The following TMEM109 variants were observed in gnomAD, a reference collection of about 807,000 sequenced individuals.
The protein encoded by TMEM109 is voltage-gated monoatomic cation channel TMEM109.
In TMEM109, 19 loss-of-function variants were observed where a neutral mutation model predicts 26.4. That is an observed-to-expected ratio of 0.72 (90% CI 0.50 to 1.06). The LOEUF (loss-of-function observed/expected upper bound fraction) is 1.06. Ranked by LOEUF, TMEM109 falls within the 50% of genes least tolerant of loss-of-function variation. The pLI is 0.00. For synonymous variants in TMEM109, 129 were observed against 142.0 expected, an observed-to-expected ratio of 0.91 and a Z score of 0.65; for missense variants, 262 against 303.4, an observed-to-expected ratio of 0.86 and a Z score of 1.01.
chr11:60,915,171 G>T (rs1856159742), intron 1 of TMEM109, among the ~76,000 whole-genome samples: 1 of 152,210 alleles, frequency 6.6e-6, no homozygotes, highest in Admixed American at 6.5e-5. Context: ...ATTATGCTAC[G>T]ATATATAGTC....
At chr11:60,919,564 T>C (rs1222965253) in intron 1 of TMEM109, 122 bp from the exon 2 acceptor site, 3 of 792,978 alleles carry the variant, frequency 3.8e-6, no homozygotes, top group Non-Finnish European at 6.3e-6. Flanking sequence ...CAGCACTTTC[T>C]TTCCAGGGTT....
chr11:60,922,110 T>C lies in TMEM109; in HGVS notation c.677T>C (p.Leu226Pro). ...GGGCTGGAACGCCAGGTGGAGGAGC[T>C]GCGCTGGCGCCAGAGGCGAGCGGCC... ...VRGLERQVEELRWRQRRAAKG... is the reference protein window; with the variant it reads ...VRGLERQVEEPRWRQRRAAKG... The change falls in exon 4 of 4, where the codon CTG becomes CCG. Residue 226 changes from leucine to proline, a missense_variant. Transcript: ENST00000227525. 2 of 1,612,414 alleles carry C rather than the reference T, an allele frequency of 1.2e-6. No homozygotes were observed. The highest frequency in any genetic ancestry group is 2.2e-5 in the South Asian group (2 of 90,956).
chr11:60,920,755 G>A lies in TMEM109; in HGVS notation c.238-131G>A. 3.6e-6 allele frequency: 3 copies of A among 828,984 alleles called. No homozygotes were observed. The South Asian group carries it at 4.5e-5, about 13-fold the overall frequency. 51.4% of individuals were successfully genotyped at this position (828,984 alleles called of 1,614,324 possible). ...CCCAAGGCCCCTACCCTCTGACCCA[G>A]GCCTGTCACCACTGGGTGAGAAACA... On this transcript the variant is annotated intron_variant, in intron 2 of 3. Transcript: ENST00000227525.
rs758105259 is a variant in TMEM109, at chr11:60,921,905, C to T, written c.472C>T (p.Arg158Trp). 1.9e-6 allele frequency: 3 copies of T among 1,614,048 alleles called. No homozygotes were observed. The highest frequency in any genetic ancestry group is 1.7e-5 in the Admixed American group (1 of 60,008). ...CGGCTTGGTCTTGGCCTTGCTGGGG[C>T]GGATCCTGTGGGGCCTGAAGCTTGT... ...LLGLVLALLG[R>W]ILWGLKLVIF... Residue 158 changes from arginine to tryptophan, a missense_variant, in exon 4 of 4, where the codon CGG (arginine) becomes TGG (tryptophan). Physicochemically the swap from Arg to Trp is moderately radical, Grantham distance 101. Transcript: ENST00000227525.
intron 1 of TMEM109, among the ~76,000 whole-genome samples, chr11:60,914,768 G>A (rs1856154815): frequency 6.6e-6 from 1 of 152,274 alleles, no homozygotes; most frequent in Non-Finnish European, 1.5e-5. Flanking sequence ...AGGGCGCGGA[G>A]CGGCAGGGAA....
intron 1 of TMEM109, among the ~76,000 whole-genome samples, chr11:60,916,689 C>T (rs1378423353): frequency 1.3e-5 from 2 of 152,212 alleles, no homozygotes; most frequent in Non-Finnish European, 2.9e-5. Context: ...CACTTCAGAA[C>T]ATCAGTCTGC....
chr11:60,914,586 C>CCA lies in TMEM109; in HGVS notation c.-9+320_-9+321dup, dbSNP rs760026988. Among the ~76,000 whole-genome samples the CCA allele has an allele frequency of 1.3e-3, 194 of 152,380 alleles. 2 individuals carry two copies. Among genetic ancestry groups the CCA allele is most frequent in the Non-Finnish European group, 2.2e-3 (152 of 68,040 alleles). On this transcript the variant is annotated intron_variant, in intron 1 of 3. Coordinates refer to ENST00000227525, the MANE Select transcript of TMEM109 (RefSeq NM_024092.3). Reference sequence around the variant, plus strand: ...CAAGCCCGAGCCCCCGAACCCCGACCCACGGCCCAGCCTCCTGCAGCCTCG... The same window carrying CCA: ...CAAGCCCGAGCCCCCGAACCCCGACCCACACGGCCCAGCCTCCTGCAGCCTCG...
In TMEM109 at chr11:60,923,170, A is replaced by G. The variant is rs1203443088; in HGVS notation, c.*1005A>G. The G allele has an allele frequency of 6.6e-6, 1 of 152,498 alleles. No homozygotes were observed. The highest frequency in any genetic ancestry group is 1.5e-5 in the Non-Finnish European group (1 of 68,030). 9.4% of individuals were successfully genotyped at this position (152,498 alleles called of 1,614,324 possible). A position where few individuals can be genotyped will look rare whatever the true frequency, so the allele number is the denominator to read the frequency against. On this transcript the variant is annotated 3_prime_UTR_variant, in exon 4 of 4. Coordinates refer to ENST00000227525, the MANE Select transcript of TMEM109 (RefSeq NM_024092.3). ...TCCTTTCCCTTCACGTGGTCTGCAG[A>G]GAGCAGGGTGAGCTGCCAGCTGCCC...
intron 1 of TMEM109, 127 bp from the exon 2 acceptor site, chr11:60,919,559 C>G: frequency 1.3e-6 from 1 of 765,586 alleles, no homozygotes; most frequent in South Asian, 1.6e-5. Context: ...GCTAACAGCA[C>G]TTTCTTTCCA....
intron 1 of TMEM109, among the ~76,000 whole-genome samples, chr11:60,917,960 G>A (rs1856190368): frequency 6.6e-6 from 1 of 152,186 alleles, no homozygotes; most frequent in Non-Finnish European, 1.5e-5. Flanking sequence ...ACTGTGCCTG[G>A]CCTGTATGAC....
rs750316636 is a variant in TMEM109, at chr11:60,921,474, T to C, written c.341-300T>C. ...CACCACGTGCCAGTTGTTCACTTCC[T>C]ATCAGGCATCGTGCTGAGCTGTAGT... On this transcript the variant is annotated intron_variant, in intron 3 of 3. Transcript: ENST00000227525. 6.0e-4 allele frequency among the ~76,000 whole-genome samples: 92 copies of C among 152,160 alleles called. 1 individual carries two copies. The highest frequency in any genetic ancestry group is 1.1e-3 in the Non-Finnish European group (74 of 68,022).
chr11:60,922,593 C>G lies in TMEM109; in HGVS notation c.*428C>G, dbSNP rs572705101. 3 of 368,488 alleles carry G rather than the reference C, an allele frequency of 8.1e-6. No homozygotes were observed. The highest frequency in any genetic ancestry group is 1.4e-4 in the East Asian group (2 of 14,006). The allele number at this position is 368,488 out of a possible 1,614,324, so 22.8% of individuals were successfully genotyped here. ...TTGCTCCTTGGCCAAATCTCCAGCTCCCTTCTTGTTTTCCTCATCCTCCTA... is the reference window on the plus strand; with the variant it reads ...TTGCTCCTTGGCCAAATCTCCAGCTGCCTTCTTGTTTTCCTCATCCTCCTA... On this transcript the variant is annotated 3_prime_UTR_variant, in exon 4 of 4. Coordinates refer to ENST00000227525, the MANE Select transcript of TMEM109 (RefSeq NM_024092.3).
Sources: gnomAD v4.1 joint callset for allele counts (sites outside exome capture counted in the v4.1 genomes callset) on GRCh38, gnomAD v4.1.1 for gene constraint, MANE v1.5 for transcripts, NCBI Gene and HGNC (gene_info 2026-07-23, HGNC 2026-07-21) for gene names.